SV2C: variants seen among roughly 807,000 people sequenced by gnomAD.
The protein encoded by SV2C is synaptic vesicle glycoprotein 2C.
In SV2C, 49 loss-of-function variants were observed where a neutral mutation model predicts 79.7. The observed-to-expected ratio is 0.61, with a 90% confidence interval of 0.49 to 0.78. The LOEUF is 0.78. SV2C is among the 30% of genes least tolerant of loss of function. The pLI is 0.00. For missense variants in SV2C, 833 were observed against 912.9 expected, an observed-to-expected ratio of 0.91 and a Z score of 1.13; for synonymous variants, 334 against 333.2, an observed-to-expected ratio of 1.00 and a Z score of -0.03.
chr5:76,250,187 T>G (rs1156714517), intron 4 of SV2C, among the ~76,000 whole-genome samples: 4 of 147,196 alleles, frequency 2.7e-5, no homozygotes, highest in Middle Eastern at 3.3e-3. Context: ...GGCTGTTCTT[T>G]TATTGCGCGT....
At chr5:76,048,456 A>T in the SV2C span, among the ~76,000 whole-genome samples, 526 of 152,292 alleles carry the variant, frequency 3.5e-3, 8 homozygotes, top group African/African-American at 0.012. Flanking sequence ...TGATTCACAC[A>T]CTAATCTGTT....
At chr5:75,981,647 G>T in the SV2C span, among the ~76,000 whole-genome samples, 2 of 152,082 alleles carry the variant, frequency 1.3e-5, no homozygotes, top group Admixed American at 6.6e-5. Flanking sequence ...ATGGTGCTGG[G>T]ATAACTGCAC....
the SV2C span, among the ~76,000 whole-genome samples, chr5:75,968,765 A>G: frequency 6.6e-6 from 1 of 152,250 alleles, no homozygotes; most frequent in Non-Finnish European, 1.5e-5. Flanking sequence ...GATATTATCC[A>G]GGAGAACTTC....
At chr5:76,264,032 A>C (rs1424580851) in intron 4 of SV2C, among the ~76,000 whole-genome samples, 1 of 152,216 alleles carries the variant, frequency 6.6e-6, no homozygotes, top group Admixed American at 6.5e-5. Flanking sequence ...TGTGTTTTTC[A>C]ACTTGGTTCC....
At chr5:76,209,388 A>G (rs924425202) in intron 3 of SV2C, among the ~76,000 whole-genome samples, 5 of 152,208 alleles carry the variant, frequency 3.3e-5, no homozygotes, top group African/African-American at 9.7e-5. Context: ...TCACTAGATT[A>G]TAGGAAATCA....
intron 5 of SV2C, 117 bp downstream of exon 5, chr5:76,285,412 G>T: frequency 1.4e-6 from 2 of 1,419,906 alleles, no homozygotes; most frequent in East Asian, 4.6e-5. Context: ...TCCTATTATA[G>T]AATGATGGAG....
At chr5:75,995,527 G>A in the SV2C span, among the ~76,000 whole-genome samples, 1 of 152,072 alleles carries the variant, frequency 6.6e-6, no homozygotes, top group African/African-American at 2.4e-5. Context: ...TAATACAATA[G>A]TCAGTTAGAA....
At chr5:76,320,872 C>G (rs1476036057) in intron 12 of SV2C, among the ~76,000 whole-genome samples, 1 of 152,230 alleles carries the variant, frequency 6.6e-6, no homozygotes, top group African/African-American at 2.4e-5. Context: ...TTCTGTCATA[C>G]TCTTCCCACA....
intron 4 of SV2C, among the ~76,000 whole-genome samples, chr5:76,220,800 C>T (rs1296975510): frequency 6.6e-6 from 1 of 152,100 alleles, no homozygotes; most frequent in Non-Finnish European, 1.5e-5. Flanking sequence ...CTTACTGCTC[C>T]TCCATTCGTA....
chr5:76,240,622 G>A (rs969866580), intron 4 of SV2C, among the ~76,000 whole-genome samples: 3 of 152,150 alleles, frequency 2.0e-5, no homozygotes. Flanking sequence ...CTAGCAGTAA[G>A]CAGTTCTGTT....
the SV2C span, among the ~76,000 whole-genome samples, chr5:76,073,531 A>G: frequency 5.3e-4 from 70 of 131,918 alleles, no homozygotes; most frequent in Admixed American, 3.5e-3. Flanking sequence ...ATATATATAT[A>G]TATATATATA....
chr5:75,892,968 G>A, the SV2C span, among the ~76,000 whole-genome samples: 1 of 152,010 alleles, frequency 6.6e-6, no homozygotes, highest in Non-Finnish European at 1.5e-5. Context: ...ATGATTGGTA[G>A]CTCTATTTTT....
chr5:76,284,987 G>T (rs1747304491), intron 4 of SV2C, among the ~76,000 whole-genome samples, 175 bp from the exon 5 acceptor site: 1 of 152,198 alleles, frequency 6.6e-6, no homozygotes, highest in Non-Finnish European at 1.5e-5. Context: ...TCTCAGCTCT[G>T]CCATTATGGG....
the SV2C span, among the ~76,000 whole-genome samples, chr5:75,867,181 T>C: frequency 6.6e-6 from 1 of 151,970 alleles, no homozygotes; most frequent in East Asian, 1.9e-4. Context: ...AAGGATTGGG[T>C]AAGAGTAGGA....
At chr5:76,246,503 G>A (rs376810673) in intron 4 of SV2C, among the ~76,000 whole-genome samples, 1 of 152,118 alleles carries the variant, frequency 6.6e-6, no homozygotes, top group African/African-American at 2.4e-5. Context: ...TTCAGTAGCT[G>A]TGGACCATTA....
At chr5:75,869,673 C>T in the SV2C span, among the ~76,000 whole-genome samples, 38 of 152,168 alleles carry the variant, frequency 2.5e-4, no homozygotes, top group African/African-American at 5.8e-4. Context: ...AGGTGGTAGC[C>T]GGAGATTTGT....
chr5:75,886,214 T>C, the SV2C span, among the ~76,000 whole-genome samples: 1 of 152,188 alleles, frequency 6.6e-6, no homozygotes, highest in African/African-American at 2.4e-5. Flanking sequence ...TGAGTACAGA[T>C]AAGACAGCCT....
intron 1 of SV2C, among the ~76,000 whole-genome samples, chr5:76,094,118 T>A (rs1241756426): frequency 1.3e-5 from 2 of 152,156 alleles, no homozygotes; most frequent in African/African-American, 4.8e-5. Context: ...AAATAAAATG[T>A]CTTTGGAGTT....
chr5:76,030,266 G>GGTTTTTTTTTTTTTTTTTTTT, the SV2C span, among the ~76,000 whole-genome samples: 13 of 31,968 alleles, frequency 4.1e-4, no homozygotes, highest in African/African-American at 1.9e-3. Context: ...TCAGAGGCTT[G>GGTTTTTTTTTTTTTTTTTTTT]TTTTTTTTTT....
Sources: gnomAD v4.1 joint callset for allele counts (sites outside exome capture counted in the v4.1 genomes callset) on GRCh38, gnomAD v4.1.1 for gene constraint, MANE v1.5 for transcripts, NCBI Gene and HGNC (gene_info 2026-07-23, HGNC 2026-07-21) for gene names.